Variants in ASAH1 observed in about 807,000 individuals in gnomAD.
ASAH1 encodes acid ceramidase.
A neutral mutation model predicts 59.5 loss-of-function variants in ASAH1; 70 were observed. The observed-to-expected ratio is 1.18, with a 90% CI of 0.97 to 1.43. ASAH1 has a LOEUF of 1.43. ASAH1 is among the 40% of genes most tolerant of loss of function. ASAH1 has a pLI of 0.00. For missense variants in ASAH1, 660 were observed against 482.5 expected (o/e 1.37, Z -3.45); for synonymous variants, 213 against 166.5 (o/e 1.28, Z -2.15).
At chr8:18,077,710 C>T (rs1028251392) in intron 1 of ASAH1, among the ~76,000 whole-genome samples, 2 of 152,142 alleles carry the variant, frequency 1.3e-5, no homozygotes, top group African/African-American at 2.4e-5. Flanking sequence ...CTACTACAAT[C>T]GAATACAATT....
At chr8:18,084,337 C>T, upstream of ASAH1, 2 of 1,417,400 alleles carry the variant, frequency 1.4e-6, no homozygotes, top group South Asian at 1.5e-5. Context: ...GATCCATCCC[C>T]CTCCCCCACC....
chr8:18,068,679 T>C (rs1800033607), intron 4 of ASAH1: 1 of 152,028 alleles, frequency 6.6e-6, no homozygotes, highest in South Asian at 2.1e-4. Flanking sequence ...CATCCTGCAA[T>C]GCACATGACA....
intron 10 of ASAH1, 115 bp from the exon 11 acceptor site, chr8:18,059,818 T>C: frequency 9.2e-7 from 1 of 1,087,628 alleles, no homozygotes; most frequent in Non-Finnish European, 1.3e-6. Flanking sequence ...AACGTGCAGG[T>C]TTGTTACATA....
Position 18,059,368 on chromosome 8 carries a change from C to G in ASAH1, c.1014G>C (p.Lys338Asn). 1 of 1,614,208 alleles carries G rather than the reference C, an allele frequency of 6.2e-7. No individual in the cohort carries two copies. Among genetic ancestry groups the G allele is most frequent in the East Asian group, 2.2e-5 (1 of 44,886 alleles). The change falls in exon 12 of 14, where the codon AAG (lysine) becomes AAC (asparagine). Residue 338 changes from lysine (K) to asparagine (N), a missense_variant. Physicochemically the swap from Lys to Asn is moderately conservative, Grantham distance 94. Coordinates refer to ENST00000637790, the MANE Select transcript of ASAH1 (RefSeq NM_177924.5). ...FFLDDRRTPA[K>N]MCLNRTSQEN... ...CTTGGCTGGTGCGGTTCAGACACATCTTTGCAGGCGTTCTGCGATCATCAA... is the reference window on the plus strand; with the variant it reads ...CTTGGCTGGTGCGGTTCAGACACATGTTTGCAGGCGTTCTGCGATCATCAA...
At chr8:18,071,426 AG>A in intron 2 of ASAH1, 36 bp from the exon 3 acceptor site, 1 of 1,375,536 alleles carries the variant, frequency 7.3e-7, no homozygotes, top group Non-Finnish European at 1.0e-6. Flanking sequence ...AAATGATGAA[AG>A]GGTTTTTTGT....
intron 4 of ASAH1, 39 bp from the exon 5 acceptor site, chr8:18,067,337 TAAC>T (rs1456377036): frequency 1.8e-5 from 23 of 1,274,980 alleles, no homozygotes; most frequent in South Asian, 7.2e-5. Context: ...TTTAACATAA[TAAC>T]AATAAAAAAT....
intron 6 of ASAH1, chr8:18,063,470 C>CTTTT (rs376358665): frequency 1.6e-4 from 48 of 290,984 alleles, no homozygotes; most frequent in South Asian, 4.4e-4. Flanking sequence ...CACCTGGCTA[C>CTTTT]TTTTTTTTTT....
rs1321616400 is a variant in ASAH1, at chr8:18,083,970, A to G, written c.78+11T>C. The G allele has an allele frequency of 4.4e-6, 7 of 1,597,414 alleles. No homozygotes were observed. The highest frequency in any genetic ancestry group is 5.9e-6 in the Non-Finnish European group (7 of 1,179,234). On this transcript the variant is annotated intron_variant, in intron 1 of 13. Coordinates refer to ENST00000637790, the MANE Select transcript of ASAH1 (RefSeq NM_177924.5). ...ACGCCCCTCTCTGCGCCTCGGCTCA[A>G]GCTCACTCACCGGCGGCGCGTGCTG...
At chr8:18,058,175 T>C (rs143094364) in intron 13 of ASAH1, 12 of 153,602 alleles carry the variant, frequency 7.8e-5, no homozygotes, top group Non-Finnish European at 1.0e-4. Context: ...AACGCAAGTA[T>C]GGCAGGGCCC....
intron 3 of ASAH1, among the ~76,000 whole-genome samples, chr8:18,070,293 G>A (rs927891427): frequency 1.3e-5 from 2 of 152,276 alleles, no homozygotes; most frequent in Admixed American, 6.5e-5. Flanking sequence ...GGGACTACAG[G>A]CATGCACCAC....
chr8:18,056,034 T>TA lies in ASAH1; in HGVS notation c.*1499dup, dbSNP rs1330029360. The stretch of plus-strand genomic sequence containing the variant: ...TACTATCAGGCATATCAAAGGTTAT[T>TA]ACATTAACAAAAAAATACATCAAGT... On this transcript the variant is annotated 3_prime_UTR_variant, in exon 14 of 14. Coordinates refer to ENST00000637790, the MANE Select transcript of ASAH1 (RefSeq NM_177924.5). The TA allele has an allele frequency of 2.6e-5, 4 of 152,220 alleles. No homozygotes were observed. Among genetic ancestry groups the TA allele is most frequent in the Admixed American group, 2.0e-4 (3 of 15,278 alleles). The allele number at this position is 152,220 out of a possible 1,614,324, so 9.4% of individuals were successfully genotyped here.
intron 6 of ASAH1, 41 bp downstream of exon 6, chr8:18,064,416 T>C (rs756957367): frequency 2.1e-6 from 3 of 1,406,274 alleles, no homozygotes; most frequent in Non-Finnish European, 3.0e-6. Flanking sequence ...TTTCTTTATG[T>C]AGTGCTTCAT....
chr8:18,079,224 G>C (rs1800542540), intron 1 of ASAH1, among the ~76,000 whole-genome samples: 1 of 141,766 alleles, frequency 7.1e-6, no homozygotes, highest in Non-Finnish European at 1.5e-5. Context: ...AGTGAGACGA[G>C]ATAGTGTGAC....
Position 18,062,154 on chromosome 8 carries a change from G to A in ASAH1, c.648+125C>T, listed in dbSNP as rs112200556. On this transcript the variant is annotated intron_variant, in intron 8 of 13. Transcript: ENST00000637790. ...TCTCATACCTATGAAGTGACAAGAA[G>A]TACAAGGGGGTGAAATGGGGCTTCA... 30 of 1,300,864 alleles carry A rather than the reference G, an allele frequency of 2.3e-5. 1 individual carries two copies. The highest frequency in any genetic ancestry group is 3.6e-4 in the Middle Eastern group (2 of 5,492). 80.6% of individuals were successfully genotyped at this position (1,300,864 alleles called of 1,614,324 possible).
chr8:18,084,154 C>G (rs966318525), upstream of ASAH1: 75 of 1,562,874 alleles, frequency 4.8e-5, no homozygotes, highest in South Asian at 1.4e-4. Flanking sequence ...CCGCGTGACC[C>G]GCGACCTGGG....
chr8:18,080,659 G>C (rs1800614894), intron 1 of ASAH1, among the ~76,000 whole-genome samples: 2 of 152,188 alleles, frequency 1.3e-5, no homozygotes, highest in African/African-American at 4.8e-5. Flanking sequence ...CCAGGTTCAA[G>C]CAATTCTCCC....
Position 18,062,403 on chromosome 8 carries a change from G to A in ASAH1, c.524C>T (p.Thr175Ile). 1.9e-6 allele frequency: 3 copies of A among 1,614,026 alleles called. No individual in the cohort carries two copies. Among genetic ancestry groups the A allele is most frequent in the Non-Finnish European group, 2.5e-6 (3 of 1,179,984 alleles). ...VFLGWNINND[T>I]WVITEQLKPL... The stretch of plus-strand genomic sequence containing the variant: ...TTTTAGTTGCTCAGTTATGACCCAG[G>A]TATCATTATTTATGTTCCACCTATA... The change falls in exon 8 of 14, where the codon ACC becomes ATC. Residue 175 changes from threonine (T) to isoleucine (I), a missense_variant. Thr to Ile is a moderately conservative substitution (Grantham distance 89). Coordinates refer to ENST00000637790, the MANE Select transcript of ASAH1 (RefSeq NM_177924.5).
At chr8:18,063,450 T>C (rs926667922) in intron 6 of ASAH1, 1 of 495,522 alleles carries the variant, frequency 2.0e-6, no homozygotes, top group East Asian at 3.8e-5. Context: ...ATTACAGACA[T>C]GTGCGACCGC....
upstream of ASAH1, chr8:18,084,311 C>T (rs1331136894): frequency 7.0e-7 from 1 of 1,428,794 alleles, no homozygotes; most frequent in Non-Finnish European, 9.1e-7. Flanking sequence ...TCGCGATCGC[C>T]TTTGGCGCGT....
Sources: gnomAD v4.1 joint callset for allele counts (sites outside exome capture counted in the v4.1 genomes callset) on GRCh38, gnomAD v4.1.1 for gene constraint, MANE v1.5 for transcripts, NCBI Gene and HGNC (gene_info 2026-07-23, HGNC 2026-07-21) for gene names.